The following RASGRP3 variants were observed in gnomAD, a reference collection of about 807,000 sequenced individuals.
RASGRP3 encodes ras guanyl-releasing protein 3.
In RASGRP3, 54 loss-of-function variants were observed where a neutral mutation model predicts 82.7. That is an observed-to-expected ratio of 0.65 (90% CI 0.52 to 0.82). RASGRP3 has a LOEUF of 0.82. Among genes scored for constraint, RASGRP3 ranks in the 40% least tolerant of loss-of-function variants. The pLI, the probability that RASGRP3 is intolerant of heterozygous loss-of-function variation, is 0.00. For synonymous variants in RASGRP3, 309 were observed against 300.5 expected, an observed-to-expected ratio of 1.03 and a Z score of -0.29; for missense variants, 861 against 828.9, an observed-to-expected ratio of 1.04 and a Z score of -0.48.
chr2:33,562,267 C>CTTTT (rs71409631), intron 17 of RASGRP3, among the ~76,000 whole-genome samples: 11 of 127,060 alleles, frequency 8.7e-5, no homozygotes, highest in African/African-American at 1.2e-4. Flanking sequence ...ATCTCTCTCT[C>CTTTT]TTTTTTTTTT....
rs1169197565 is a variant in RASGRP3, at chr2:33,560,560, G to C, written c.2064+1530G>C. Among the ~76,000 whole-genome samples, 4 of 152,266 alleles carry C rather than the reference G, an allele frequency of 2.6e-5. No individual in the cohort carries two copies. In the East Asian group the frequency reaches 5.8e-4, roughly 22 times the overall value. On this transcript the variant is annotated intron_variant, in intron 17 of 17. Transcript: ENST00000403687. ...ATGCATTAAACAAACAGATTCTCCT[G>C]GGGGGTATGTGATCCAAAAAAGCAA...
At chr2:33,557,838 T>C (rs530583779) in intron 15 of RASGRP3, among the ~76,000 whole-genome samples, 5 of 152,224 alleles carry the variant, frequency 3.3e-5, no homozygotes, top group South Asian at 2.1e-4. Context: ...TAGGCTCTCT[T>C]TGTGGGGATT....
rs10572554 is a variant in RASGRP3 at position 33,562,909 on chromosome 2, CCTAA to C, written c.*184_*187del. ...TTGGACTATGGGACAGAGAATTGAC[CCTAA>C]CTAACTAACTATGAACTATTTATTT... On this transcript the variant is annotated 3_prime_UTR_variant, in exon 18 of 18. Coordinates refer to ENST00000403687, the MANE Select transcript of RASGRP3 (RefSeq NM_001139488.2). 0.97 allele frequency: 670,494 copies of C among 691,540 alleles called. 325,482 individuals are homozygous for C. Among genetic ancestry groups the C allele is most frequent in the East Asian group, 1 (36,215 of 36,232 alleles). The allele number at this position is 691,540 out of a possible 1,614,324, so 42.8% of individuals were successfully genotyped here.
intron 3 of RASGRP3, among the ~76,000 whole-genome samples, chr2:33,515,658 C>T (rs922830622): frequency 5.9e-5 from 9 of 152,172 alleles, no homozygotes; most frequent in African/African-American, 1.2e-4. Flanking sequence ...TTGACTCAGA[C>T]GAATGTGAGT....
intron 1 of RASGRP3, among the ~76,000 whole-genome samples, chr2:33,487,079 C>A (rs1668463292): frequency 6.6e-6 from 1 of 152,122 alleles, no homozygotes; most frequent in Admixed American, 6.5e-5. Flanking sequence ...GATGTTCTCC[C>A]CTTCCCATAT....
chr2:33,466,614 G>A (rs1666711203), intron 2 of RASGRP3, among the ~76,000 whole-genome samples: 1 of 151,818 alleles, frequency 6.6e-6, no homozygotes, highest in East Asian at 1.9e-4. Context: ...GGGAGGTGGA[G>A]GTTGCAATCA....
At chr2:33,463,621 CAG>C (rs112400741) in intron 2 of RASGRP3, among the ~76,000 whole-genome samples, 3,657 of 117,582 alleles carry the variant, frequency 0.031, 184 homozygotes, top group African/African-American at 0.11. Flanking sequence ...TTTTTTGAGA[CAG>C]AGTCTCGCAC....
In RASGRP3 at chr2:33,558,349, G is replaced by T. The variant is rs115023211; in HGVS notation, c.1705+13G>T. 1.8e-3 allele frequency: 2,902 copies of T among 1,612,718 alleles called. 1 individual carries two copies. The highest frequency in any genetic ancestry group is 2.4e-3 in the Non-Finnish European group (2,795 of 1,179,854). On this transcript the variant is annotated intron_variant, in intron 16 of 17. Coordinates refer to ENST00000403687, the MANE Select transcript of RASGRP3 (RefSeq NM_001139488.2). ...TCGCTGCCCCCAGGTAATGCCCTCT[G>T]CTTTCTTTGCTGCCATGGTCTCTTT...
intron 2 of RASGRP3, among the ~76,000 whole-genome samples, chr2:33,465,969 CAAAAA>C (rs60914898): frequency 1.5e-5 from 2 of 130,402 alleles, no homozygotes; most frequent in Non-Finnish European, 1.7e-5. Flanking sequence ...ACTTACTGCT[CAAAAA>C]AAAAAAAAAA....
intron 1 of RASGRP3, among the ~76,000 whole-genome samples, chr2:33,479,096 A>G (rs1431507015): frequency 6.6e-6 from 1 of 152,248 alleles, no homozygotes; most frequent in Non-Finnish European, 1.5e-5. Context: ...ATTTAAATGT[A>G]AAAACTCACA....
At chr2:33,546,757 T>G (rs1487717364) in intron 13 of RASGRP3, among the ~76,000 whole-genome samples, 1 of 151,904 alleles carries the variant, frequency 6.6e-6, no homozygotes, top group Admixed American at 6.5e-5. Context: ...CATCATGGAC[T>G]ATTATGCAGC....
chr2:33,458,964 A>G lies in RASGRP3; in HGVS notation c.-261+11021A>G, dbSNP rs549958528. On this transcript the variant is annotated intron_variant, in intron 2 of 18. Transcript: ENST00000402538. ...TAACTTTTAACTTTGACAAATTTTA[A>G]TCAGTTAGATTTAAGATATATTTTT... Among the ~76,000 whole-genome samples the G allele has an allele frequency of 3.3e-5, 5 of 152,332 alleles. No individual in the cohort carries two copies. In the South Asian group the frequency reaches 6.2e-4, roughly 19 times the overall value.
chr2:33,462,333 G>C (rs1184317142), intron 2 of RASGRP3, among the ~76,000 whole-genome samples: 1 of 151,644 alleles, frequency 6.6e-6, no homozygotes, highest in Non-Finnish European at 1.5e-5. Flanking sequence ...AAGAAGCCTA[G>C]AGTTTGCATT....
At chr2:33,532,204 T>C (rs1673164259) in intron 10 of RASGRP3, 1 of 152,224 alleles carries the variant, frequency 6.6e-6, no homozygotes, top group Non-Finnish European at 1.5e-5. Flanking sequence ...CGTTGTTAGT[T>C]CCCAGTGTTT....
intron 1 of RASGRP3, among the ~76,000 whole-genome samples, chr2:33,446,202 G>T (rs536479260): frequency 4.5e-4 from 69 of 152,304 alleles, no homozygotes; most frequent in African/African-American, 1.7e-3. Context: ...CTGTCGCCCA[G>T]GCTGGAGTGC....
intron 12 of RASGRP3, 130 bp downstream of exon 12, chr2:33,539,340 A>G: frequency 1.4e-6 from 1 of 713,824 alleles, no homozygotes; most frequent in Admixed American, 2.5e-5. Context: ...ACAATTTAGC[A>G]GGCACTTAGT....
At chr2:33,498,136 G>A (rs1336277152) in intron 1 of RASGRP3, among the ~76,000 whole-genome samples, 2 of 152,082 alleles carry the variant, frequency 1.3e-5, no homozygotes, top group East Asian at 3.9e-4. Flanking sequence ...CTCAGTAGAG[G>A]GCACTTTTTG....
At chr2:33,444,714 G>A (rs1665412900) in intron 1 of RASGRP3, among the ~76,000 whole-genome samples, 1 of 152,210 alleles carries the variant, frequency 6.6e-6, no homozygotes, top group Admixed American at 6.5e-5. Context: ...CAGTTTTGGA[G>A]ATTTGGCTTA....
intron 11 of RASGRP3, among the ~76,000 whole-genome samples, chr2:33,538,625 CT>C (rs1212798565): frequency 6.6e-6 from 1 of 152,030 alleles, no homozygotes; most frequent in African/African-American, 2.4e-5. Flanking sequence ...ACATAAGATG[CT>C]TGTTTTATAA....
Sources: gnomAD v4.1 joint callset for allele counts (sites outside exome capture counted in the v4.1 genomes callset) on GRCh38, gnomAD v4.1.1 for gene constraint, MANE v1.5 for transcripts, NCBI Gene and HGNC (gene_info 2026-07-23, HGNC 2026-07-21) for gene names.